The following VCL variants were observed in gnomAD, a reference collection of about 807,000 sequenced individuals.
VCL encodes epididymis luminal protein 114.
In VCL, 47 loss-of-function variants were observed where a neutral mutation model predicts 125.7. That is an observed-to-expected ratio of 0.37 (90% CI 0.30 to 0.48). VCL has a LOEUF of 0.48. Among genes scored for constraint, VCL ranks in the 20% least tolerant of loss-of-function variants. The pLI is 0.99. For synonymous variants in VCL, 458 were observed against 514.6 expected (o/e 0.89, Z 1.49); for missense variants, 1,069 against 1,455.5 (o/e 0.73, Z 4.32).
chr10:74,062,909 A>G (rs1841502758), intron 2 of VCL, among the ~76,000 whole-genome samples: 1 of 152,166 alleles, frequency 6.6e-6, no homozygotes, highest in Non-Finnish European at 1.5e-5. Context: ...TACTAAAAAT[A>G]TAAAAATTAG....
rs768588739 is a variant in VCL at position 74,094,342 on chromosome 10, C to A, written c.1424C>A (p.Thr475Asn). 1 of 1,614,144 alleles carries A rather than the reference C, an allele frequency of 6.2e-7. No individual in the cohort carries two copies. Among genetic ancestry groups the A allele is most frequent in the South Asian group, 1.1e-5 (1 of 91,078 alleles). ...QVATALQNLQ[T>N]KTNRAVANSR... ...GCCACGGCCCTGCAGAACCTGCAGA[C>A]CAAAACCAACCGGGCTGTGGCCAAC... Residue 475 changes from threonine (T) to asparagine (N), a missense_variant, in exon 11 of 22, where the codon ACC becomes AAC. Thr to Asn is a moderately conservative substitution (Grantham distance 65). This residue lies in a region of VCL where 760 missense variants were observed against 928.9 expected (regional missense o/e 0.82). Coordinates refer to ENST00000211998, the MANE Select transcript of VCL (RefSeq NM_014000.3).
At chr10:74,028,427 G>A (rs573874257) in intron 1 of VCL, among the ~76,000 whole-genome samples, 16 of 131,276 alleles carry the variant, frequency 1.2e-4, no homozygotes, top group African/African-American at 4.2e-4. Context: ...ACAGGGTTTC[G>A]CTCTTGTCAC....
intron 6 of VCL, chr10:74,075,445 C>G (rs376705837): frequency 6.5e-6 from 1 of 154,838 alleles, no homozygotes; most frequent in East Asian, 1.9e-4. Context: ...TTGAGGGATC[C>G]CTTCACCCTT....
intron 1 of VCL, among the ~76,000 whole-genome samples, chr10:74,009,452 A>G (rs915411778): frequency 8.7e-5 from 13 of 148,946 alleles, no homozygotes; most frequent in Admixed American, 2.0e-4. Context: ...GTAGAGATGG[A>G]GTTTCACCAT....
At chr10:74,104,025 T>C in intron 15 of VCL, 97 bp downstream of exon 15, 3 of 1,251,690 alleles carry the variant, frequency 2.4e-6, no homozygotes, top group Non-Finnish European at 3.4e-6. Flanking sequence ...TGTAATTGGA[T>C]AAAGGGCCGG....
At chr10:74,115,093 G>A (rs895852517) in intron 21 of VCL, among the ~76,000 whole-genome samples, 194 bp downstream of exon 21, 4 of 152,142 alleles carry the variant, frequency 2.6e-5, no homozygotes, top group Admixed American at 1.3e-4. Context: ...GGGGCCAGGT[G>A]CAGTGGCACA....
intron 1 of VCL, among the ~76,000 whole-genome samples, chr10:74,024,001 GA>G (rs1470901412): frequency 1.3e-5 from 2 of 151,344 alleles, no homozygotes; most frequent in Admixed American, 6.6e-5. Flanking sequence ...AAAACATTAA[GA>G]AAAAAAAGCC....
intron 1 of VCL, among the ~76,000 whole-genome samples, chr10:74,030,760 A>C (rs1265382384): frequency 6.6e-6 from 1 of 152,168 alleles, no homozygotes. Context: ...AGAAATTTGG[A>C]TCTTTGTGAA....
chr10:74,028,695 C>T (rs562255562), intron 1 of VCL, among the ~76,000 whole-genome samples: 3 of 150,088 alleles, frequency 2.0e-5, no homozygotes, highest in Non-Finnish European at 4.4e-5. Context: ...TGGCGCCTGG[C>T]AAGTAATCTT....
At position 74,111,894 on chromosome 10, in the gene VCL, C is replaced by G. The variant is rs1176237548; in HGVS notation, c.2746-15C>G. 9 of 1,614,144 alleles carry G rather than the reference C, an allele frequency of 5.6e-6. No individual in the cohort carries two copies. The highest frequency in any genetic ancestry group is 3.3e-4 in the Middle Eastern group (2 of 6,062). ...ACACTATCCCTATTTCTCATCCTTC[C>G]CGCCATCGACAAAGCCGGGCATCCC... On this transcript the variant is annotated splice_polypyrimidine_tract_variant and intron_variant, in intron 18 of 21. Transcript: ENST00000211998.
chr10:74,116,249 T>C (rs1047735354), intron 21 of VCL, among the ~76,000 whole-genome samples: 1 of 152,212 alleles, frequency 6.6e-6, no homozygotes, highest in Non-Finnish European at 1.5e-5. Flanking sequence ...TTGTTGCTTC[T>C]GCTACCATAT....
chr10:74,006,238 A>G (rs1840322399), intron 1 of VCL, among the ~76,000 whole-genome samples: 1 of 152,170 alleles, frequency 6.6e-6, no homozygotes, highest in African/African-American at 2.4e-5. Flanking sequence ...GAATCCATAG[A>G]TGTGGAACTC....
In VCL at chr10:74,112,237, G is replaced by C. The variant is rs145557990; in HGVS notation, c.2949+125G>C. On this transcript the variant is annotated intron_variant, in intron 19 of 21. Coordinates refer to ENST00000211998, the MANE Select transcript of VCL (RefSeq NM_014000.3). ...GTCTGAGCAGGGCGGGCATCTGTCT[G>C]TCTGCACCATGTTGTTAGGACTGGC... 4.8e-4 allele frequency: 582 copies of C among 1,222,398 alleles called. 3 individuals carry two copies. The African/African-American group carries it at 7.7e-3, about 16-fold the overall frequency. 75.7% of individuals were successfully genotyped at this position (1,222,398 alleles called of 1,614,324 possible).
rs761726711 is a variant in VCL, at chr10:74,097,361, G to C, written c.1872+29G>C. ...GGTATCTGAGGTCTTCCATTTTTCT[G>C]TCAGCCTGTGCTATAGGTATATGTA... On this transcript the variant is annotated intron_variant, in intron 13 of 21. Transcript: ENST00000211998. This position sits in a 1 kb window ranked among gnomAD's most constrained non-coding sequence, Gnocchi z 4.1. 1 of 1,608,330 alleles carries C rather than the reference G, an allele frequency of 6.2e-7. No individual in the cohort carries two copies. The highest frequency in any genetic ancestry group is 1.7e-5 in the Admixed American group (1 of 59,936).
chr10:74,027,862 T>C (rs1840803907), intron 1 of VCL: 1 of 152,130 alleles, frequency 6.6e-6, no homozygotes, highest in Non-Finnish European at 1.5e-5. Context: ...TCTGAGCATA[T>C]GCTATGTGCC....
chr10:74,029,080 A>G (rs1840825945), intron 1 of VCL, among the ~76,000 whole-genome samples: 1 of 151,860 alleles, frequency 6.6e-6, no homozygotes, highest in African/African-American at 2.4e-5. Context: ...CGGCCTCCCA[A>G]AGTGCTGGGA....
intron 1 of VCL, among the ~76,000 whole-genome samples, chr10:74,011,582 G>C (rs984105052): frequency 6.6e-6 from 1 of 152,094 alleles, no homozygotes; most frequent in South Asian, 2.1e-4. Flanking sequence ...TAATATACCA[G>C]CTAGTCATTT....
At position 74,118,280 on chromosome 10, in the gene VCL, CT is replaced by C; in HGVS notation, c.*112del. 1 of 1,384,472 alleles carries C rather than the reference CT, an allele frequency of 7.2e-7. No individual in the cohort carries two copies. 85.8% of individuals were successfully genotyped at this position (1,384,472 alleles called of 1,614,324 possible). A position where few individuals can be genotyped will look rare whatever the true frequency, so the allele number is the denominator to read the frequency against. ...GGGAGCTGAAAAATCACATCCTGGCCTGGCACATCAGAAAGGAATGGGGGCC... is the reference window on the plus strand; with the variant it reads ...GGGAGCTGAAAAATCACATCCTGGCCGGCACATCAGAAAGGAATGGGGGCC... On this transcript the variant is annotated 3_prime_UTR_variant, in exon 22 of 22. Coordinates refer to ENST00000211998, the MANE Select transcript of VCL (RefSeq NM_014000.3).
At chr10:74,040,339 T>C (rs1388962733) in intron 1 of VCL, among the ~76,000 whole-genome samples, 1 of 152,216 alleles carries the variant, frequency 6.6e-6, no homozygotes, top group Admixed American at 6.5e-5. Flanking sequence ...CAATGTTTAA[T>C]AACACTGAAT....
Sources: allele counts gnomAD v4.1 joint callset (sites outside exome capture counted in the v4.1 genomes callset), GRCh38; gene constraint gnomAD v4.1.1; regional missense constraint gnomAD v4.1.1; non-coding constraint Gnocchi (gnomAD v3.1); transcripts MANE v1.5; gene names NCBI Gene and HGNC (gene_info 2026-07-23, HGNC 2026-07-21).